DYNLRB1: variants seen among roughly 807,000 people sequenced by gnomAD.
DYNLRB1 encodes the protein ROBL/LC7-like 1.
Under a neutral mutation model 13.5 loss-of-function variants are expected in DYNLRB1, and 6 were observed. That is an observed-to-expected ratio of 0.44 (90% CI 0.24 to 0.88). The LOEUF (loss-of-function observed/expected upper bound fraction) is 0.88, where lower values mean the gene tolerates loss of function less well. Among genes scored for constraint, DYNLRB1 ranks in the 40% least tolerant of loss-of-function variants. The pLI, the probability that DYNLRB1 is intolerant of heterozygous loss-of-function variation, is 0.21. For synonymous variants in DYNLRB1, 43 were observed against 45.0 expected (o/e 0.96, Z 0.18); for missense variants, 93 against 127.2 (o/e 0.73, Z 1.29).
intron 2 of DYNLRB1, among the ~76,000 whole-genome samples, chr20:34,531,997 C>T (rs956591613): frequency 2.0e-5 from 3 of 152,180 alleles, no homozygotes; most frequent in African/African-American, 7.2e-5. Context: ...GGACTGTGGG[C>T]CTCTTACCAT....
rs1468110271 is a variant in DYNLRB1 at position 34,528,087 on chromosome 20, C to T, written c.79+1744C>T. Among the ~76,000 whole-genome samples the T allele has an allele frequency of 2.9e-4, 12 of 40,870 alleles. 3 individuals are homozygous for T. Among genetic ancestry groups the T allele is most frequent in the Non-Finnish European group, 5.7e-4 (10 of 17,602 alleles). The allele number at this position is 40,870 out of a possible 152,430, so 26.8% of individuals were successfully genotyped here. ...CAGCACTTTGGGAGGCCGAGGCGGG[C>T]GGATCACGAGGTCAGGAGATCGAGA... On this transcript the variant is annotated intron_variant, in intron 2 of 3. Coordinates refer to ENST00000357156, the MANE Select transcript of DYNLRB1 (RefSeq NM_014183.4).
chr20:34,535,172 C>T (rs1981044873), intron 3 of DYNLRB1: 2 of 985,334 alleles, frequency 2.0e-6, no homozygotes, highest in Non-Finnish European at 2.4e-6. Flanking sequence ...ATCTTAAGGG[C>T]ACCAGGAAGC....
chr20:34,532,601 C>T (rs1394368025), intron 2 of DYNLRB1, among the ~76,000 whole-genome samples: 3 of 151,986 alleles, frequency 2.0e-5, no homozygotes, highest in African/African-American at 7.2e-5. Context: ...GCATTCATTA[C>T]TGCCATCCTC....
chr20:34,516,237 C>T (rs1218944439), upstream of DYNLRB1, among the ~76,000 whole-genome samples: 1 of 152,262 alleles, frequency 6.6e-6, no homozygotes. Context: ...GGGAATTTTC[C>T]ACAGCTTAGC....
chr20:34,539,152 T>A (rs1286031276), intron 3 of DYNLRB1, among the ~76,000 whole-genome samples: 1 of 152,198 alleles, frequency 6.6e-6, no homozygotes, highest in African/African-American at 2.4e-5. Context: ...TGTCTTTTAC[T>A]CCAAATCATC....
chr20:34,516,397 G>C, upstream of DYNLRB1: 1 of 1,599,760 alleles, frequency 6.3e-7, no homozygotes, highest in South Asian at 1.1e-5. Context: ...CCTTTGCGCA[G>C]GCGCAGAAAG....
rs369734390 is a variant in DYNLRB1 at position 34,516,861 on chromosome 20, C to T, written c.3+400C>T. On this transcript the variant is annotated intron_variant, in intron 1 of 3. Transcript: ENST00000357156. ...ATGTATCTTGTATTTCCTCCGCCTCCTCCCAGCTCTGTGAGGTAGATACAA... is the reference window on the plus strand; with the variant it reads ...ATGTATCTTGTATTTCCTCCGCCTCTTCCCAGCTCTGTGAGGTAGATACAA... 9 of 1,535,600 alleles carry T rather than the reference C, an allele frequency of 5.9e-6. No individual in the cohort carries two copies. The South Asian group carries it at 8.6e-5, about 15-fold the overall frequency.
At chr20:34,521,026 C>CT (rs374226818) in intron 1 of DYNLRB1, among the ~76,000 whole-genome samples, 124 of 148,896 alleles carry the variant, frequency 8.3e-4, no homozygotes, top group African/African-American at 1.6e-3. Flanking sequence ...TCATTTCTGT[C>CT]TTTTTTTTTT....
At chr20:34,529,491 G>A (rs1980527005) in intron 2 of DYNLRB1, among the ~76,000 whole-genome samples, 1 of 152,184 alleles carries the variant, frequency 6.6e-6, no homozygotes, top group Non-Finnish European at 1.5e-5. Context: ...CCCTTTGGGA[G>A]GCCGAGGCGG....
At chr20:34,535,690 C>T (rs937000800) in intron 3 of DYNLRB1, 22 of 985,218 alleles carry the variant, frequency 2.2e-5, no homozygotes, top group African/African-American at 1.9e-4. Context: ...GGTGCACTCC[C>T]GCTGCAGTGC....
At chr20:34,526,388 A>G (rs764985960) in intron 2 of DYNLRB1, 45 bp downstream of exon 2, 1 of 1,599,886 alleles carries the variant, frequency 6.3e-7, no homozygotes, top group Admixed American at 1.7e-5. Context: ...GCAGGCCCAG[A>G]AGCAGCCATA....
intron 2 of DYNLRB1, chr20:34,530,714 C>T (rs1980646904): frequency 6.6e-6 from 1 of 152,180 alleles, no homozygotes; most frequent in Non-Finnish European, 1.5e-5. Flanking sequence ...GGCCTTTAAG[C>T]CCTCTGGAAG....
intron 3 of DYNLRB1, among the ~76,000 whole-genome samples, chr20:34,538,311 C>T (rs1449258121): frequency 6.6e-6 from 1 of 151,718 alleles, no homozygotes; most frequent in Non-Finnish European, 1.5e-5. Context: ...CATGGTGGCA[C>T]CAGTATTCCC....
At position 34,538,055 on chromosome 20, in the gene DYNLRB1, A is replaced by G. The variant is rs1159257407; in HGVS notation, c.248-2526A>G. Among the ~76,000 whole-genome samples the G allele has an allele frequency of 1.5e-4, 19 of 124,672 alleles. No homozygotes were observed. The Admixed American group carries it at 1.9e-3, about 12-fold the overall frequency. The allele number at this position is 124,672 out of a possible 152,430, so 81.8% of individuals were successfully genotyped here. Reference sequence around the variant, plus strand: ...CAGGCTGGAGTGCAGTGGTGCGATCATGGCTCTCTGCAGCCTCAGCCTCCC... The same window carrying G: ...CAGGCTGGAGTGCAGTGGTGCGATCGTGGCTCTCTGCAGCCTCAGCCTCCC... On this transcript the variant is annotated intron_variant, in intron 3 of 3. Coordinates refer to ENST00000357156, the MANE Select transcript of DYNLRB1 (RefSeq NM_014183.4).
At chr20:34,517,833 T>C (rs1979380864) in intron 1 of DYNLRB1, among the ~76,000 whole-genome samples, 1 of 152,062 alleles carries the variant, frequency 6.6e-6, no homozygotes, top group Non-Finnish European at 1.5e-5. Context: ...TTTCACCGTG[T>C]TAGTCCGCCT....
At chr20:34,516,944 C>G in intron 1 of DYNLRB1, 1 of 1,364,684 alleles carries the variant, frequency 7.3e-7, no homozygotes, top group Non-Finnish European at 9.5e-7. Flanking sequence ...AAGCCAAGTG[C>G]TTTGCCCCAG....
chr20:34,534,886 G>C, intron 3 of DYNLRB1, 91 bp downstream of exon 3: 1 of 1,596,910 alleles, frequency 6.3e-7, no homozygotes, highest in Non-Finnish European at 8.5e-7. Flanking sequence ...GGTGTCTCCA[G>C]AGGATCCAAG....
At position 34,536,184 on chromosome 20, in the gene DYNLRB1, G is replaced by A. The variant is rs558284528; in HGVS notation, c.247+1389G>A. 1.6e-4 allele frequency: 158 copies of A among 985,406 alleles called. 2 individuals carry two copies. The Admixed American group carries it at 4.9e-3, about 30-fold the overall frequency. The allele number at this position is 985,406 out of a possible 1,614,324, so 61.0% of individuals were successfully genotyped here. A position where few individuals can be genotyped will look rare whatever the true frequency, so the allele number is the denominator to read the frequency against. Reference sequence around the variant, plus strand: ...TTCTGTGTGTAATGCCTGATCCATCGGGGAGAAAAGACTGCAGGAGGCACA... The same window carrying A: ...TTCTGTGTGTAATGCCTGATCCATCAGGGAGAAAAGACTGCAGGAGGCACA... On this transcript the variant is annotated intron_variant, in intron 3 of 3. Coordinates refer to ENST00000357156, the MANE Select transcript of DYNLRB1 (RefSeq NM_014183.4).
In DYNLRB1 at chr20:34,526,276, G is replaced by A. The variant is rs1208219956; in HGVS notation, c.12G>A (p.Val4=). The change falls in exon 2 of 4, where the codon GTG becomes GTA. Residue 4 remains valine (V), a synonymous_variant. Coordinates refer to ENST00000357156, the MANE Select transcript of DYNLRB1 (RefSeq NM_014183.4). ...GTCTTGTTTTCTGGCAGGCAGAGGT[G>A]GAGGAGACACTGAAGCGACTGCAGA... MAE[V]EETLKRLQSQ... The A allele has an allele frequency of 1.9e-6, 3 of 1,614,162 alleles. No individual in the cohort carries two copies. Among genetic ancestry groups the A allele is most frequent in the East Asian group, 2.2e-5 (1 of 44,886 alleles).
Sources: allele counts gnomAD v4.1 joint callset (sites outside exome capture counted in the v4.1 genomes callset), GRCh38; gene constraint gnomAD v4.1.1; transcripts MANE v1.5; gene names NCBI Gene and HGNC (gene_info 2026-07-23, HGNC 2026-07-21).